The following SHTN1 variants were observed in gnomAD, a reference collection of about 807,000 sequenced individuals.
The protein encoded by SHTN1 is shootin-1.
Under a neutral mutation model 83.1 loss-of-function variants are expected in SHTN1, and 42 were observed. The ratio of observed to expected loss-of-function variants is 0.51; its 90% confidence interval spans 0.39 to 0.65. The LOEUF (loss-of-function observed/expected upper bound fraction) is 0.65. Among genes scored for constraint, SHTN1 ranks in the 30% least tolerant of loss-of-function variants. The pLI is 0.00. For missense variants in SHTN1, 622 were observed against 737.8 expected, an observed-to-expected ratio of 0.84 and a Z score of 1.82; for synonymous variants, 224 against 247.7, an observed-to-expected ratio of 0.90 and a Z score of 0.90.
At chr10:117,092,638 G>T (rs1271871758) in intron 1 of SHTN1, among the ~76,000 whole-genome samples, 1 of 152,214 alleles carries the variant, frequency 6.6e-6, no homozygotes, top group Non-Finnish European at 1.5e-5. Flanking sequence ...CGCCCAGCTG[G>T]TTTGGGTCAC....
At position 116,960,246 on chromosome 10, in the gene SHTN1, A is replaced by G. The variant is rs202119476; in HGVS notation, c.173-16T>C. The G allele has an allele frequency of 1.2e-3, 1,690 of 1,392,348 alleles. 33 individuals carry two copies. In the South Asian group the frequency reaches 0.018, roughly 15 times the overall value. 86.2% of individuals were successfully genotyped at this position (1,392,348 alleles called of 1,614,324 possible). A position where few individuals can be genotyped will look rare whatever the true frequency, so the allele number is the denominator to read the frequency against. ...ATGTGAGAAACTAGGAATGAGGGGG[A>G]AAAAAAATCTCAGCATTCAAAGATT... On this transcript the variant is annotated splice_polypyrimidine_tract_variant and intron_variant, in intron 3 of 16. Transcript: ENST00000355371.
intron 8 of SHTN1, among the ~76,000 whole-genome samples, chr10:116,943,990 C>G (rs554683164): frequency 6.6e-6 from 1 of 152,106 alleles, no homozygotes; most frequent in Admixed American, 6.5e-5. Flanking sequence ...ACAAGAGATT[C>G]AAAGCTGATC....
intron 1 of SHTN1, among the ~76,000 whole-genome samples, chr10:117,124,815 T>C (rs555598800): frequency 6.6e-6 from 1 of 152,302 alleles, no homozygotes; most frequent in East Asian, 1.9e-4. Context: ...TATTTACAGA[T>C]GAGGATTCTG....
intron 1 of SHTN1, among the ~76,000 whole-genome samples, chr10:117,065,786 AAGGAAGGAAGGAAGGAAGGAAGG>A (rs1852981987): frequency 7.9e-5 from 1 of 12,718 alleles, no homozygotes; most frequent in Non-Finnish European, 1.5e-4. Context: ...GAAAGAAAGG[AAGGAAGGAAGGAAGGAAGGAAGG>A]AAGGAAGGAA....
intron 5 of SHTN1, 109 bp from the exon 6 acceptor site, chr10:116,952,115 A>T: frequency 2.1e-6 from 1 of 469,054 alleles, no homozygotes; most frequent in Non-Finnish European, 3.5e-6. Flanking sequence ...TATGGTCAAG[A>T]TTATTTAACA....
intron 2 of SHTN1, among the ~76,000 whole-genome samples, chr10:117,039,850 C>G (rs1450443279): frequency 7.7e-6 from 1 of 129,702 alleles, no homozygotes; most frequent in Non-Finnish European, 1.6e-5. Flanking sequence ...GAGACTCCAT[C>G]AAAAAAAAAA....
At position 116,978,969 on chromosome 10, in the gene SHTN1, T is replaced by C. The variant is rs921818102; in HGVS notation, c.111+287A>G. On this transcript the variant is annotated intron_variant, in intron 2 of 16. Transcript: ENST00000355371. ...CCAAATCTGACTGTTAGGGAAAAAG[T>C]ACGATTCCTGGGGACTTGAGTTGCT... Among the ~76,000 whole-genome samples, 22 of 152,310 alleles carry C rather than the reference T, an allele frequency of 1.4e-4. 3 individuals carry two copies. Among genetic ancestry groups the C allele is most frequent in the Admixed American group, 1.3e-3 (20 of 15,300 alleles).
At chr10:117,124,470 A>G (rs1853975636) in intron 1 of SHTN1, among the ~76,000 whole-genome samples, 2 of 152,112 alleles carry the variant, frequency 1.3e-5, no homozygotes, top group African/African-American at 2.4e-5. Context: ...CAGGCTCTAC[A>G]TCTTTAAAAC....
At chr10:116,996,090 A>G (rs1220724768) in intron 1 of SHTN1, among the ~76,000 whole-genome samples, 7 of 152,216 alleles carry the variant, frequency 4.6e-5, no homozygotes, top group East Asian at 3.8e-4. Context: ...TAGGCCAAGT[A>G]TAATAGACAA....
intron 1 of SHTN1, among the ~76,000 whole-genome samples, chr10:117,067,536 A>G (rs930016678): frequency 1.3e-5 from 2 of 152,210 alleles, no homozygotes; most frequent in Non-Finnish European, 2.9e-5. Flanking sequence ...CAGAGGTTGC[A>G]GTGAGCCAAG....
rs1304913790 is a variant in SHTN1, at chr10:116,882,772, C to G, written c.*3572G>C. ...TCTCAAAGCTATGATTTGAAACTGG[C>G]TCAGGCGCAGACTCTCTCAGAGCAT... On this transcript the variant is annotated 3_prime_UTR_variant, in exon 17 of 17. Coordinates refer to ENST00000355371, the MANE Select transcript of SHTN1 (RefSeq NM_001127211.3). The G allele has an allele frequency of 1.3e-5, 2 of 152,114 alleles. No individual in the cohort carries two copies. The highest frequency in any genetic ancestry group is 2.9e-5 in the Non-Finnish European group (2 of 68,032). 9.4% of individuals were successfully genotyped at this position (152,114 alleles called of 1,614,324 possible). A position where few individuals can be genotyped will look rare whatever the true frequency, so the allele number is the denominator to read the frequency against.
intron 2 of SHTN1, chr10:116,973,741 G>T: frequency 1.9e-6 from 1 of 521,114 alleles, no homozygotes; most frequent in Non-Finnish European, 3.3e-6. Context: ...ACGCCACTAA[G>T]TCTGAAGAAG....
At chr10:117,058,070 A>C (rs1166701130) in intron 1 of SHTN1, among the ~76,000 whole-genome samples, 2 of 152,196 alleles carry the variant, frequency 1.3e-5, no homozygotes, top group Admixed American at 1.3e-4. Context: ...TCAAACTATA[A>C]AACTCTTAGA....
intron 1 of SHTN1, among the ~76,000 whole-genome samples, chr10:117,098,376 G>A (rs1230009067): frequency 5.1e-5 from 7 of 138,314 alleles, no homozygotes; most frequent in African/African-American, 1.9e-4. Flanking sequence ...CAGCCTGGGC[G>A]ACCGAGGGAC....
intron 4 of SHTN1, among the ~76,000 whole-genome samples, chr10:116,958,226 T>A (rs541180670): frequency 2.6e-5 from 4 of 152,244 alleles, no homozygotes; most frequent in South Asian, 4.2e-4. Context: ...AAAATGACAA[T>A]TGATACTTAA....
chr10:117,056,029 AACAG>A (rs1386896341), intron 1 of SHTN1, among the ~76,000 whole-genome samples: 1 of 152,228 alleles, frequency 6.6e-6, no homozygotes, highest in Non-Finnish European at 1.5e-5. Context: ...ACTGAGATGA[AACAG>A]ACAGCCTGAA....
chr10:116,899,399 C>A (rs940484238), intron 16 of SHTN1, among the ~76,000 whole-genome samples: 1 of 151,940 alleles, frequency 6.6e-6, no homozygotes, highest in African/African-American at 2.4e-5. Flanking sequence ...GTAAGCCATG[C>A]AGCTCTTAGA....
chr10:117,104,537 G>A (rs1437653926), intron 1 of SHTN1, among the ~76,000 whole-genome samples: 2 of 152,090 alleles, frequency 1.3e-5, no homozygotes, highest in African/African-American at 2.4e-5. Flanking sequence ...TTGGGAGGCC[G>A]AGGCAGGCGG....
chr10:117,117,808 A>G (rs576638747), intron 1 of SHTN1, among the ~76,000 whole-genome samples: 129 of 152,362 alleles, frequency 8.5e-4, no homozygotes, highest in African/African-American at 3.0e-3. Flanking sequence ...AGTCTCTTCA[A>G]TAAACAGTGC....
Sources: gnomAD v4.1 joint callset for allele counts (sites outside exome capture counted in the v4.1 genomes callset) on GRCh38, gnomAD v4.1.1 for gene constraint, MANE v1.5 for transcripts, NCBI Gene and HGNC (gene_info 2026-07-23, HGNC 2026-07-21) for gene names.